RAB7B: variants seen among roughly 807,000 people sequenced by gnomAD.
The protein encoded by RAB7B is ras-related protein Rab-7b.
intron 1 of RAB7B, among the ~76,000 whole-genome samples, chr1:205,998,916 CTAT>C (rs1660848721): frequency 6.6e-6 from 1 of 152,148 alleles, no homozygotes; most frequent in Non-Finnish European, 1.5e-5. Context: ...GAGATTGATA[CTAT>C]TATTATCTGT....
chr1:205,987,507 C>T (rs929291692), intron 4 of RAB7B, among the ~76,000 whole-genome samples: 5 of 152,200 alleles, frequency 3.3e-5, no homozygotes, highest in African/African-American at 9.7e-5. Flanking sequence ...ATCTCATGTG[C>T]TTTTAAAATA....
At chr1:205,999,323 G>A (rs1046596035) in intron 1 of RAB7B, among the ~76,000 whole-genome samples, 53 of 152,318 alleles carry the variant, frequency 3.5e-4, no homozygotes, top group Non-Finnish European at 6.3e-4. Flanking sequence ...GGCAAAGAAC[G>A]TGAACAAGTT....
intron 1 of RAB7B, among the ~76,000 whole-genome samples, chr1:206,000,043 G>A (rs1660868184): frequency 6.6e-6 from 1 of 152,202 alleles, no homozygotes; most frequent in Non-Finnish European, 1.5e-5. Flanking sequence ...CAAAATGTTG[G>A]CATTACAGGT....
intron 1 of RAB7B, among the ~76,000 whole-genome samples, chr1:205,995,994 C>A (rs1201807357): frequency 1.3e-5 from 2 of 151,888 alleles, no homozygotes; most frequent in African/African-American, 2.4e-5. Context: ...TAAGTGTGTA[C>A]AATTTTTATC....
chr1:205,990,901 C>G (rs978199286), intron 4 of RAB7B, among the ~76,000 whole-genome samples: 3 of 151,786 alleles, frequency 2.0e-5, no homozygotes, highest in South Asian at 2.1e-4. Context: ...GATTCTCCTG[C>G]CTCATCCTCC....
intron 1 of RAB7B, among the ~76,000 whole-genome samples, chr1:205,996,010 A>G (rs1660807422): frequency 1.3e-5 from 2 of 152,208 alleles, no homozygotes; most frequent in African/African-American, 4.8e-5. Flanking sequence ...TTATCTGTCA[A>G]TTAAAAAATG....
At chr1:205,989,701 C>A (rs981914924) in intron 4 of RAB7B, among the ~76,000 whole-genome samples, 5 of 152,142 alleles carry the variant, frequency 3.3e-5, no homozygotes, top group African/African-American at 1.2e-4. Context: ...TCCCCTGGTC[C>A]CTCTTCTTTC....
At chr1:206,000,969 G>T (rs1420421124) in intron 1 of RAB7B, among the ~76,000 whole-genome samples, 2 of 152,200 alleles carry the variant, frequency 1.3e-5, no homozygotes, top group African/African-American at 4.8e-5. Context: ...TTAACTTTGG[G>T]CTCCCACATT....
rs946714677 is a variant in RAB7B, at chr1:205,985,689, G to A, written c.397-24C>T. On this transcript the variant is annotated intron_variant, in intron 4 of 5. Coordinates refer to ENST00000617070, the MANE Select transcript of RAB7B (RefSeq NM_001164522.3). Reference sequence around the variant, plus strand: ...ACCTGAATGAGGGAAAGAAATAGGCGTGGTGTCTGTATTATCATCGCCATC... The same window carrying A: ...ACCTGAATGAGGGAAAGAAATAGGCATGGTGTCTGTATTATCATCGCCATC... The A allele has an allele frequency of 2.9e-3, 1,026 of 351,890 alleles. 11 individuals are homozygous for A. Among genetic ancestry groups the A allele is most frequent in the African/African-American group, 0.019 (876 of 45,016 alleles). The allele number at this position is 351,890 out of a possible 1,614,324, so 21.8% of individuals were successfully genotyped here.
chr1:206,001,618 G>A (rs1011801085), intron 1 of RAB7B, among the ~76,000 whole-genome samples: 7 of 152,214 alleles, frequency 4.6e-5, no homozygotes, highest in Non-Finnish European at 8.8e-5. Flanking sequence ...AAGCAGGATT[G>A]AAATGCAGGA....
chr1:205,999,335 C>T (rs1660855637), intron 1 of RAB7B, among the ~76,000 whole-genome samples: 1 of 152,196 alleles, frequency 6.6e-6, no homozygotes. Flanking sequence ...GAACAAGTTA[C>T]CAATTGAAAT....
intron 4 of RAB7B, among the ~76,000 whole-genome samples, chr1:205,987,590 A>G (rs1319624191): frequency 6.6e-6 from 1 of 152,222 alleles, no homozygotes; most frequent in Non-Finnish European, 1.5e-5. Flanking sequence ...ACTAAGAATA[A>G]CAAAGGATAT....
chr1:206,000,672 G>A (rs1370232467), intron 1 of RAB7B, among the ~76,000 whole-genome samples: 1 of 152,210 alleles, frequency 6.6e-6, no homozygotes, highest in Non-Finnish European at 1.5e-5. Flanking sequence ...GAGAGGGGGT[G>A]AGTCTAGAGG....
chr1:205,998,437 G>A (rs1265330905), intron 1 of RAB7B, among the ~76,000 whole-genome samples: 1 of 152,190 alleles, frequency 6.6e-6, no homozygotes, highest in Non-Finnish European at 1.5e-5. Context: ...TGAACCCATG[G>A]AATCTGTGTG....
intron 1 of RAB7B, among the ~76,000 whole-genome samples, chr1:206,001,959 T>C (rs1660899670): frequency 6.6e-6 from 1 of 152,156 alleles, no homozygotes; most frequent in South Asian, 2.1e-4. Flanking sequence ...GGGTGGGGTA[T>C]CACTTCTGCT....
chr1:205,994,782 T>A lies in RAB7B; in HGVS notation c.-16-631A>T, dbSNP rs2102641846. Among the ~76,000 whole-genome samples, 2 of 152,366 alleles carry A rather than the reference T, an allele frequency of 1.3e-5. 1 individual carries two copies. Among genetic ancestry groups the A allele is most frequent in the South Asian group, 4.1e-4 (2 of 4,830 alleles). On this transcript the variant is annotated intron_variant, in intron 1 of 5. Coordinates refer to ENST00000617070, the MANE Select transcript of RAB7B (RefSeq NM_001164522.3). ...TATCCGAAATGTGGGTAAAGACTCT[T>A]GTCCAAGAATGTTCTTCACTGTACT...
chr1:206,001,851 G>A (rs1049445885), intron 1 of RAB7B, among the ~76,000 whole-genome samples: 5 of 152,250 alleles, frequency 3.3e-5, no homozygotes, highest in South Asian at 2.1e-4. Context: ...CTCCAAGAAC[G>A]CTGGAACCCC....
chr1:206,003,326 C>A lies in RAB7B; in HGVS notation c.-90G>T. Reference sequence around the variant, plus strand: ...TCCTCTCTCAGTCTGGTGGTCTCTTCTTAGAGCAGTGGTCTCAGCAGGGCC... The same window carrying A: ...TCCTCTCTCAGTCTGGTGGTCTCTTATTAGAGCAGTGGTCTCAGCAGGGCC... On this transcript the variant is annotated 5_prime_UTR_variant, in exon 1 of 6. Transcript: ENST00000617070. 6.6e-6 allele frequency: 1 copy of A among 152,400 alleles called. No homozygotes were observed. Among genetic ancestry groups the A allele is most frequent in the Non-Finnish European group, 1.5e-5 (1 of 68,096 alleles). The allele number at this position is 152,400 out of a possible 1,614,324, so 9.4% of individuals were successfully genotyped here.
chr1:205,989,442 A>G (rs1660679624), intron 4 of RAB7B, among the ~76,000 whole-genome samples: 1 of 151,822 alleles, frequency 6.6e-6, no homozygotes, highest in Non-Finnish European at 1.5e-5. Flanking sequence ...GGTGCCCCTC[A>G]TTCACTAAAC....
Sources: gnomAD v4.1 joint callset for allele counts (sites outside exome capture counted in the v4.1 genomes callset) on GRCh38, gnomAD v4.1.1 for gene constraint, MANE v1.5 for transcripts, NCBI Gene and HGNC (gene_info 2026-07-23, HGNC 2026-07-21) for gene names.